The following MAP4K5 variants were observed in gnomAD, a reference collection of about 807,000 sequenced individuals.
The protein encoded by MAP4K5 is mitogen-activated protein kinase kinase kinase kinase 5, also known as MAPK/ERK kinase kinase kinase 5.
A neutral mutation model predicts 135.6 loss-of-function variants in MAP4K5; 82 were observed. The ratio of observed to expected loss-of-function variants is 0.60; its 90% CI spans 0.51 to 0.73. The LOEUF is 0.73. Among genes scored for constraint, MAP4K5 ranks in the 30% least tolerant of loss-of-function variants. The pLI is 0.00. For synonymous variants in MAP4K5, 347 were observed against 335.0 expected (o/e 1.04, Z -0.39); for missense variants, 907 against 1,010.9 (o/e 0.90, Z 1.39).
intron 3 of MAP4K5, among the ~76,000 whole-genome samples, chr14:50,495,994 G>A (rs1185457079): frequency 1.3e-5 from 2 of 152,084 alleles, no homozygotes; most frequent in African/African-American, 2.4e-5. Context: ...TCACAACAAC[G>A]CAAATATAGT....
chr14:50,425,170 A>G (rs2035818850), intron 31 of MAP4K5, among the ~76,000 whole-genome samples: 1 of 152,190 alleles, frequency 6.6e-6, no homozygotes, highest in Non-Finnish European at 1.5e-5. Flanking sequence ...TGTTAGTATT[A>G]TCTTAGCTAG....
rs79272743 is a variant in MAP4K5, at chr14:50,545,461, G to T, written c.-179-2877C>A. On this transcript the variant is annotated intron_variant, in intron 1 of 8. Coordinates refer to the MAP4K5 transcript ENST00000555216. ...TCCCAGGGTGGTCGACGGCATCCATGTGGGGTGAAATAGTCCAACTGCTCA... is the reference window on the plus strand; with the variant it reads ...TCCCAGGGTGGTCGACGGCATCCATTTGGGGTGAAATAGTCCAACTGCTCA... Among the ~76,000 whole-genome samples the T allele has an allele frequency of 7.9e-3, 1,202 of 152,306 alleles. 8 individuals carry two copies. The highest frequency in any genetic ancestry group is 0.027 in the African/African-American group (1,122 of 41,570).
At chr14:50,445,719 G>A (rs1235263302) in intron 17 of MAP4K5, among the ~76,000 whole-genome samples, 2 of 151,964 alleles carry the variant, frequency 1.3e-5, no homozygotes, top group South Asian at 2.1e-4. Flanking sequence ...ACAAGCATAC[G>A]CCACCATGCC....
chr14:50,420,103 A>G lies in MAP4K5; in HGVS notation c.2457T>C (p.Val819=), dbSNP rs771836084. 1.9e-6 allele frequency: 3 copies of G among 1,602,460 alleles called. No individual in the cohort carries two copies. In the Admixed American group the frequency reaches 5.1e-5, roughly 27 times the overall value. ...CTGTTGGCCTACTTTCCAAAACGAC[A>G]ACCCTGTAATTAAACCAAAACAAAG... ...RVFRLLGSDR[V]VVLESRPTEN... is the part of the protein sequence containing the mutation. The change falls in exon 33 of 33, where the codon GTT becomes GTC. Residue 819 remains valine, a synonymous_variant. Transcript: ENST00000682126.
chr14:50,476,798 A>C (rs1345560568), intron 6 of MAP4K5, among the ~76,000 whole-genome samples: 1 of 152,204 alleles, frequency 6.6e-6, no homozygotes, highest in African/African-American at 2.4e-5. Context: ...AAAAATCAGA[A>C]ATATTTCACT....
At chr14:50,444,904 A>G in intron 18 of MAP4K5, 137 bp downstream of exon 18, 1 of 916,090 alleles carries the variant, frequency 1.1e-6, no homozygotes, top group Non-Finnish European at 1.6e-6. Flanking sequence ...AAGCTATAAT[A>G]GGATTGACTA....
chr14:50,546,395 AG>A (rs2038632665), intron 1 of MAP4K5, among the ~76,000 whole-genome samples: 2 of 151,532 alleles, frequency 1.3e-5, no homozygotes, highest in Non-Finnish European at 2.9e-5. Context: ...TGTGTGTGTG[AG>A]AGAGCATACA....
At position 50,448,810 on chromosome 14, in the gene MAP4K5, A is replaced by G; in HGVS notation, c.1038T>C (p.Pro346=). ...EINFDKLQFE[P]PLRKETEARD... is the part of the protein sequence containing the mutation. ...GTGCTTCTGTTTCTTTTCTCAGAGG[A>G]GGTTCAAATTGTAATTTGTCAACTG... Residue 346 remains proline, a synonymous_variant, in exon 15 of 33, where the codon CCT becomes CCC. Coordinates refer to ENST00000682126, the MANE Select transcript of MAP4K5 (RefSeq NM_006575.6). The G allele has an allele frequency of 1.3e-6, 2 of 1,557,812 alleles. No individual in the cohort carries two copies. The highest frequency in any genetic ancestry group is 1.8e-5 in the Admixed American group (1 of 54,272).
At chr14:50,534,535 A>G (rs923838817), upstream of MAP4K5, among the ~76,000 whole-genome samples, 1 of 152,278 alleles carries the variant, frequency 6.6e-6, no homozygotes, top group African/African-American at 2.4e-5. Flanking sequence ...AGCATTTAAA[A>G]TGAATTAGGC....
In MAP4K5 at chr14:50,442,832, A is replaced by C. The variant is rs1466200520; in HGVS notation, c.1480-16T>G. ...ATGCTCCCATCTTATTTATAAAGAAAGAAATGTTAACTTATTTGATTAGAA... is the reference window on the plus strand; with the variant it reads ...ATGCTCCCATCTTATTTATAAAGAACGAAATGTTAACTTATTTGATTAGAA... On this transcript the variant is annotated splice_polypyrimidine_tract_variant and intron_variant, in intron 20 of 32. Transcript: ENST00000682126. The C allele has an allele frequency of 2.1e-6, 3 of 1,445,032 alleles. No homozygotes were observed. In the Admixed American group the frequency reaches 6.3e-5, roughly 30 times the overall value. The allele number at this position is 1,445,032 out of a possible 1,614,324, so 89.5% of individuals were successfully genotyped here. A position where few individuals can be genotyped will look rare whatever the true frequency, so the allele number is the denominator to read the frequency against.
rs1245484317 is a variant in MAP4K5 at position 50,419,845 on chromosome 14, A to C, written c.*174T>G. The C allele has an allele frequency of 1.7e-6, 1 of 577,378 alleles. No individual in the cohort carries two copies. The highest frequency in any genetic ancestry group is 3.1e-6 in the Non-Finnish European group (1 of 322,440). The allele number at this position is 577,378 out of a possible 1,614,324, so 35.8% of individuals were successfully genotyped here. On this transcript the variant is annotated 3_prime_UTR_variant, in exon 33 of 33. Transcript: ENST00000682126. ...ACCACCACACAGTGGCAAGAGATAGACTAGCTGTTTCCAGCTGCAGAAAAT... is the reference window on the plus strand; with the variant it reads ...ACCACCACACAGTGGCAAGAGATAGCCTAGCTGTTTCCAGCTGCAGAAAAT...
chr14:50,435,149 G>C (rs1224219487), intron 26 of MAP4K5, 84 bp from the exon 27 acceptor site: 5 of 601,052 alleles, frequency 8.3e-6, no homozygotes, highest in Admixed American at 6.0e-5. Context: ...AGGATGACAA[G>C]AGTGGGCAGA....
chr14:50,557,167 T>C (rs977344036), intron 1 of MAP4K5, among the ~76,000 whole-genome samples: 1 of 152,220 alleles, frequency 6.6e-6, no homozygotes, highest in Admixed American at 6.5e-5. Flanking sequence ...TCTTTTTGAT[T>C]ATAGTCATCA....
chr14:50,514,982 C>T (rs1284867182), intron 2 of MAP4K5, among the ~76,000 whole-genome samples: 2 of 151,630 alleles, frequency 1.3e-5, no homozygotes, highest in South Asian at 4.2e-4. Flanking sequence ...TGGCTCACTG[C>T]AGCCTCTGCC....
At chr14:50,509,240 G>A in intron 2 of MAP4K5, among the ~76,000 whole-genome samples, 1 of 151,880 alleles carries the variant, frequency 6.6e-6, no homozygotes, top group Non-Finnish European at 1.5e-5. Flanking sequence ...CATGGGGTGG[G>A]GGGCAGGGGG....
At chr14:50,474,202 T>G (rs1477983092) in intron 9 of MAP4K5, among the ~76,000 whole-genome samples, 2 of 152,104 alleles carry the variant, frequency 1.3e-5, no homozygotes, top group Non-Finnish European at 2.9e-5. Context: ...CCAGGAGTTT[T>G]AGCTGAAACC....
At chr14:50,436,101 T>C (rs2356247) in intron 26 of MAP4K5, among the ~76,000 whole-genome samples, 137,735 of 152,224 alleles carry the variant, frequency 0.9, 63,827 homozygotes, top group Non-Finnish European at 1. Flanking sequence ...TGTAAATTCA[T>C]TGATCAAACA....
chr14:50,435,009 C>T lies in MAP4K5; in HGVS notation c.1939G>A (p.Val647Ile). The T allele has an allele frequency of 6.2e-7, 1 of 1,611,508 alleles. No individual in the cohort carries two copies. Among genetic ancestry groups the T allele is most frequent in the Non-Finnish European group, 8.5e-7 (1 of 1,178,438 alleles). The change falls in exon 27 of 33, where the codon GTT becomes ATT. Residue 647 changes from valine to isoleucine, a missense_variant. By Grantham distance (29) the Val-to-Ile change is conservative (BLOSUM62 3). Transcript: ENST00000682126. Reference protein sequence around the residue: ...YLCGALQSGIVLLQWYEPMQK... With the variant: ...YLCGALQSGIILLQWYEPMQK... Reference sequence around the variant, plus strand: ...ATTGGCTCATACCACTGAAGTAAAACAATTCCAGACTGTAAAGCTCCACAG... The same window carrying T: ...ATTGGCTCATACCACTGAAGTAAAATAATTCCAGACTGTAAAGCTCCACAG...
intron 2 of MAP4K5, among the ~76,000 whole-genome samples, chr14:50,527,338 C>CA (rs969336280): frequency 2.3e-4 from 30 of 132,648 alleles, no homozygotes; most frequent in Admixed American, 8.7e-4. Flanking sequence ...GACTCCGTCT[C>CA]AAAAAAAAAA....
Sources: gnomAD v4.1 joint callset for allele counts (sites outside exome capture counted in the v4.1 genomes callset) on GRCh38, gnomAD v4.1.1 for gene constraint, MANE v1.5 for transcripts, NCBI Gene and HGNC (gene_info 2026-07-23, HGNC 2026-07-21) for gene names.